Variants in CTNNA2 observed in about 807,000 individuals in gnomAD.
CTNNA2 encodes catenin alpha 2, also known as catenin alpha-2.
Under a neutral mutation model 101.0 loss-of-function variants are expected in CTNNA2, and 42 were observed. That is an observed-to-expected ratio of 0.42 (90% CI 0.32 to 0.54). The LOEUF (loss-of-function observed/expected upper bound fraction) is 0.54, where lower values mean the gene tolerates loss of function less well. Among genes scored for constraint, CTNNA2 ranks in the 20% least tolerant of loss-of-function variants. The probability of loss-of-function intolerance (pLI) is 0.14; values close to 1 mark genes in which losing one functional copy is unlikely to be tolerated. For synonymous variants in CTNNA2, 450 were observed against 456.4 expected (o/e 0.99, Z 0.18); for missense variants, 871 against 1,223.1 (o/e 0.71, Z 4.29).
intron 15 of CTNNA2, among the ~76,000 whole-genome samples, chr2:80,595,848 C>CT (rs1441106313): frequency 2.0e-5 from 3 of 151,954 alleles, no homozygotes; most frequent in Non-Finnish European, 4.4e-5. Flanking sequence ...GCTATACAGG[C>CT]TTTTTTTGTT....
intron 1 of CTNNA2, among the ~76,000 whole-genome samples, chr2:79,541,436 A>G (rs1673414344): frequency 1.2e-5 from 1 of 82,146 alleles, no homozygotes; most frequent in Non-Finnish European, 2.2e-5. Flanking sequence ...ACATATATAT[A>G]TATATATATA....
intron 3 of CTNNA2, among the ~76,000 whole-genome samples, chr2:79,373,588 G>T (rs532035936): frequency 3.7e-4 from 57 of 152,236 alleles, no homozygotes; most frequent in African/African-American, 1.3e-3. Flanking sequence ...TAAAAAGCAG[G>T]CTCTGCCCTA....
rs142653443 is a variant in CTNNA2 at position 79,217,297 on chromosome 2, C to T, written c.-406+19221C>T. Among the ~76,000 whole-genome samples the T allele has an allele frequency of 4.6e-3, 693 of 152,274 alleles. 3 individuals carry two copies. The highest frequency in any genetic ancestry group is 0.016 in the African/African-American group (654 of 41,552). ...AAGGGAGGTCCCCCGATCCGAGTCA[C>T]GGCACCAAATTTCATGTGAGTCCGT... On this transcript the variant is annotated intron_variant, in intron 2 of 21. Transcript: ENST00000466387.
intron 3 of CTNNA2, among the ~76,000 whole-genome samples, chr2:79,810,920 T>G (rs1353697067): frequency 2.0e-5 from 3 of 151,650 alleles, no homozygotes; most frequent in Admixed American, 2.0e-4. Context: ...CTTAATCCAG[T>G]CTATCATTGT....
rs145024873 is a variant in CTNNA2 at position 79,576,425 on chromosome 2, T to C, written c.-6+63218T>C. Among the ~76,000 whole-genome samples, 247 of 152,312 alleles carry C rather than the reference T, an allele frequency of 1.6e-3. 1 individual carries two copies. Among genetic ancestry groups the C allele is most frequent in the African/African-American group, 5.7e-3 (238 of 41,588 alleles). On this transcript the variant is annotated intron_variant, in intron 1 of 18. Coordinates refer to ENST00000402739, the MANE Select transcript of CTNNA2 (RefSeq NM_001282597.3). ...TAAATATCTATTCTTTTTAATTTTA[T>C]CTTACCTGTAGCTCGGTTTTTTAAA...
intron 7 of CTNNA2, among the ~76,000 whole-genome samples, chr2:80,336,452 T>G (rs976957630): frequency 2.6e-4 from 39 of 152,304 alleles, no homozygotes; most frequent in African/African-American, 8.4e-4. Context: ...TTATCAGATA[T>G]CTGTCCATCC....
At chr2:80,390,671 G>A (rs540242926) in intron 7 of CTNNA2, among the ~76,000 whole-genome samples, 12 of 152,204 alleles carry the variant, frequency 7.9e-5, no homozygotes, top group African/African-American at 2.6e-4. Flanking sequence ...AAATATATCC[G>A]CACTGTTTTT....
chr2:79,322,900 A>G (rs1220601097), intron 3 of CTNNA2, among the ~76,000 whole-genome samples: 1 of 152,148 alleles, frequency 6.6e-6, no homozygotes, highest in Non-Finnish European at 1.5e-5. Flanking sequence ...TGTGGCTTTC[A>G]CTAGTGAGGC....
chr2:79,193,015 C>T (rs185354344), intron 1 of CTNNA2, among the ~76,000 whole-genome samples: 1 of 152,222 alleles, frequency 6.6e-6, no homozygotes, highest in African/African-American at 2.4e-5. Context: ...TTTATCATTG[C>T]CATGCATTTC....
chr2:79,328,271 G>A (rs1676792309), intron 3 of CTNNA2, among the ~76,000 whole-genome samples: 1 of 152,070 alleles, frequency 6.6e-6, no homozygotes, highest in Non-Finnish European at 1.5e-5. Flanking sequence ...AGGAGAGGAA[G>A]CATGTTTTCA....
intron 4 of CTNNA2, among the ~76,000 whole-genome samples, chr2:79,411,303 A>C (rs1235513173): frequency 6.6e-6 from 1 of 151,384 alleles, no homozygotes; most frequent in Non-Finnish European, 1.5e-5. Context: ...TATTTCCTTC[A>C]GTTCTGCTCT....
chr2:79,831,894 G>A (rs1445231528), intron 3 of CTNNA2, among the ~76,000 whole-genome samples: 1 of 151,876 alleles, frequency 6.6e-6, no homozygotes, highest in Admixed American at 6.6e-5. Context: ...TCAAGCAGAT[G>A]ATGAATAATT....
In CTNNA2 at chr2:80,114,341, T is replaced by C. The variant is rs1701391902; in HGVS notation, c.1056+204544T>C. ...ATACATTAAGAAAAACCCTGGGACA[T>C]AGGATTTTGTAAAGAAAATATTCAT... On this transcript the variant is annotated intron_variant, in intron 7 of 18. Coordinates refer to ENST00000402739, the MANE Select transcript of CTNNA2 (RefSeq NM_001282597.3). Among the ~76,000 whole-genome samples the C allele has an allele frequency of 3.9e-5, 6 of 152,284 alleles. No individual in the cohort carries two copies. In the South Asian group the frequency reaches 1.2e-3, roughly 32 times the overall value.
chr2:79,712,969 G>A (rs1004855132), intron 2 of CTNNA2, among the ~76,000 whole-genome samples: 5 of 152,182 alleles, frequency 3.3e-5, no homozygotes, highest in African/African-American at 1.2e-4. Context: ...TAATTAAGAT[G>A]CCTAGCAATA....
chr2:79,346,845 A>G (rs938184936), intron 3 of CTNNA2, among the ~76,000 whole-genome samples: 4 of 152,174 alleles, frequency 2.6e-5, no homozygotes, highest in African/African-American at 7.2e-5. Flanking sequence ...ACCTCCACAA[A>G]GCCCCAAATT....
chr2:79,503,507 T>C (rs940791314), intron 4 of CTNNA2, among the ~76,000 whole-genome samples: 1 of 152,184 alleles, frequency 6.6e-6, no homozygotes, highest in Non-Finnish European at 1.5e-5. Flanking sequence ...CTGATCTTAC[T>C]ACATACTTAT....
At chr2:79,290,422 G>A (rs1466840167) in intron 2 of CTNNA2, among the ~76,000 whole-genome samples, 1 of 152,138 alleles carries the variant, frequency 6.6e-6, no homozygotes, top group Admixed American at 6.5e-5. Flanking sequence ...CTCCGGCCCT[G>A]TGCCCACGGA....
chr2:80,079,746 G>A (rs561841621), intron 7 of CTNNA2, among the ~76,000 whole-genome samples: 7 of 151,716 alleles, frequency 4.6e-5, no homozygotes, highest in Admixed American at 2.0e-4. Flanking sequence ...CCCGGGAGGC[G>A]GAGCTTGCAG....
At chr2:80,184,501 G>A (rs1286584621) in intron 7 of CTNNA2, among the ~76,000 whole-genome samples, 1 of 152,144 alleles carries the variant, frequency 6.6e-6, no homozygotes, top group Non-Finnish European at 1.5e-5. Context: ...GTTTGAATCA[G>A]GGGCCAACTA....
Sources: allele counts gnomAD v4.1 joint callset (sites outside exome capture counted in the v4.1 genomes callset), GRCh38; gene constraint gnomAD v4.1.1; transcripts MANE v1.5; gene names NCBI Gene and HGNC (gene_info 2026-07-23, HGNC 2026-07-21).